Variants in MBNL1 observed in about 807,000 individuals in gnomAD.
MBNL1 encodes muscleblind like splicing regulator 1, also known as muscleblind-like protein 1.
Under a neutral mutation model 42.2 loss-of-function variants are expected in MBNL1, and 8 were observed. That is an observed-to-expected ratio of 0.19 (90% CI 0.11 to 0.34). The LOEUF (loss-of-function observed/expected upper bound fraction) is 0.34, where lower values mean the gene tolerates loss of function less well. Ranked by LOEUF, MBNL1 falls within the 10% of genes least tolerant of loss-of-function variation. The pLI is 1.00. For synonymous variants in MBNL1, 169 were observed against 173.9 expected (o/e 0.97, Z 0.22); for missense variants, 309 against 495.3 (o/e 0.62, Z 3.57).
intron 3 of MBNL1, among the ~76,000 whole-genome samples, chr3:152,427,909 ACTCC>A (rs2098955912): frequency 6.6e-6 from 1 of 151,472 alleles, no homozygotes; most frequent in African/African-American, 2.4e-5. Flanking sequence ...TGTTACATAT[ACTCC>A]CTCTATTTTT....
intron 2 of MBNL1, among the ~76,000 whole-genome samples, chr3:152,329,579 G>A (rs2082708144): frequency 2.0e-5 from 3 of 150,998 alleles, no homozygotes; most frequent in South Asian, 2.1e-4. Context: ...AGCTTGGGAA[G>A]TCAAGGATGC....
chr3:152,275,055 A>G (rs2044144004), intron 1 of MBNL1, among the ~76,000 whole-genome samples: 1 of 152,230 alleles, frequency 6.6e-6, no homozygotes. Flanking sequence ...CCAATAATTT[A>G]TCAGCATTTG....
At chr3:152,273,656 A>G (rs147355543) in intron 1 of MBNL1, among the ~76,000 whole-genome samples, 180 of 152,324 alleles carry the variant, frequency 1.2e-3, no homozygotes, top group Non-Finnish European at 1.9e-3. Context: ...TCAAAACGAA[A>G]TGTAGCCATA....
At chr3:152,336,246 C>T (rs1381090659) in intron 2 of MBNL1, among the ~76,000 whole-genome samples, 1 of 151,960 alleles carries the variant, frequency 6.6e-6, no homozygotes, top group Admixed American at 6.6e-5. Flanking sequence ...ACTTCTCTTC[C>T]ACTTTTTTGG....
chr3:152,368,687 C>G (rs2096534193), intron 2 of MBNL1, among the ~76,000 whole-genome samples: 2 of 152,128 alleles, frequency 1.3e-5, no homozygotes, highest in Admixed American at 1.3e-4. Flanking sequence ...TCTCTTATTT[C>G]CTTGAGCAGT....
At chr3:152,248,589 C>T (rs2033720728) in intron 2 of MBNL1, among the ~76,000 whole-genome samples, 1 of 151,242 alleles carries the variant, frequency 6.6e-6, no homozygotes, top group Non-Finnish European at 1.5e-5. Flanking sequence ...TAGAGATAAT[C>T]TCTTATTTTT....
rs188908845 is a variant in MBNL1, at chr3:152,327,433, C to T, written c.174+27066C>T. The stretch of plus-strand genomic sequence containing the variant: ...CATGATCTTGGCTCACTGCAACCGC[C>T]GCCTCCTAGGTTTAAGTGATTCTCC... On this transcript the variant is annotated intron_variant, in intron 2 of 9. Transcript: ENST00000324210. Among the ~76,000 whole-genome samples, 109 of 152,094 alleles carry T rather than the reference C, an allele frequency of 7.2e-4. 4 individuals are homozygous for T. In the East Asian group the frequency reaches 0.015, roughly 21 times the overall value.
chr3:152,308,011 T>C (rs982703398), intron 2 of MBNL1, among the ~76,000 whole-genome samples: 1 of 152,162 alleles, frequency 6.6e-6, no homozygotes, highest in Non-Finnish European at 1.5e-5. Context: ...TCATCTTAGA[T>C]AACTAGTCAC....
chr3:152,381,930 G>A (rs1409097882), intron 2 of MBNL1, among the ~76,000 whole-genome samples: 1 of 151,972 alleles, frequency 6.6e-6, no homozygotes, highest in East Asian at 1.9e-4. Flanking sequence ...CTGTTCTTTT[G>A]ACATATTAAC....
chr3:152,455,606 C>T, intron 7 of MBNL1, 29 bp downstream of exon 7: 1 of 1,608,124 alleles, frequency 6.2e-7, no homozygotes, highest in South Asian at 1.1e-5. Flanking sequence ...TCTTGATTAT[C>T]TTAAACCTAT....
chr3:152,384,296 C>A (rs1173085906), intron 2 of MBNL1, among the ~76,000 whole-genome samples: 4 of 152,032 alleles, frequency 2.6e-5, no homozygotes, highest in African/African-American at 9.7e-5. Context: ...TCCATGTTAT[C>A]AGGGCATTAA....
At chr3:152,244,169 T>G (rs2032339339) in intron 1 of MBNL1, 1 of 152,168 alleles carries the variant, frequency 6.6e-6, no homozygotes, top group South Asian at 2.1e-4. Context: ...TGCATATACT[T>G]TAATTATATA....
chr3:152,403,923 G>T (rs1485357516), intron 2 of MBNL1, among the ~76,000 whole-genome samples: 2 of 152,154 alleles, frequency 1.3e-5, no homozygotes, highest in African/African-American at 4.8e-5. Context: ...TGGGGACAGA[G>T]CCAGTGTCAT....
intron 2 of MBNL1, chr3:152,301,996 C>T (rs1388500643): frequency 6.6e-6 from 1 of 152,174 alleles, no homozygotes; most frequent in Admixed American, 6.5e-5. Flanking sequence ...ACACAGAAGA[C>T]CTGCTTCTAC....
At chr3:152,357,268 C>G (rs1007091280) in intron 2 of MBNL1, among the ~76,000 whole-genome samples, 5 of 152,112 alleles carry the variant, frequency 3.3e-5, no homozygotes, top group African/African-American at 1.2e-4. Context: ...TTCAGAAGCC[C>G]ACAGTTATAG....
At chr3:152,247,890 A>T (rs1043274075) in intron 2 of MBNL1, among the ~76,000 whole-genome samples, 1 of 152,010 alleles carries the variant, frequency 6.6e-6, no homozygotes, top group Non-Finnish European at 1.5e-5. Context: ...CAACCTTGGA[A>T]AGCAGATGAA....
At chr3:152,368,146 C>T (rs1249102409) in intron 2 of MBNL1, among the ~76,000 whole-genome samples, 1 of 151,928 alleles carries the variant, frequency 6.6e-6, no homozygotes, top group Non-Finnish European at 1.5e-5. Context: ...GGTTTTAGGT[C>T]TTATGTTTAA....
chr3:152,409,939 G>A (rs879393750), intron 2 of MBNL1, among the ~76,000 whole-genome samples: 7 of 152,020 alleles, frequency 4.6e-5, no homozygotes, highest in East Asian at 1.9e-4. Context: ...ACTTCTAATC[G>A]TTTTGTTTTC....
rs909626106 is a variant in MBNL1 at position 152,465,234 on chromosome 3, C to A, written c.*2868C>A. ...AAGAGAGAAAGAACTATACTAAGAA[C>A]ATATATTATTCAGATCAGTTTCTGC... On this transcript the variant is annotated 3_prime_UTR_variant, in exon 10 of 10. Coordinates refer to ENST00000324210, the MANE Select transcript of MBNL1 (RefSeq NM_021038.5). 1.3e-5 allele frequency: 2 copies of A among 152,170 alleles called. No individual in the cohort carries two copies. The highest frequency in any genetic ancestry group is 2.9e-5 in the Non-Finnish European group (2 of 68,020). The allele number at this position is 152,170 out of a possible 1,614,324, so 9.4% of individuals were successfully genotyped here. A position where few individuals can be genotyped will look rare whatever the true frequency, so the allele number is the denominator to read the frequency against.
Sources: allele counts gnomAD v4.1 joint callset (sites outside exome capture counted in the v4.1 genomes callset), GRCh38; gene constraint gnomAD v4.1.1; transcripts MANE v1.5; gene names NCBI Gene and HGNC (gene_info 2026-07-23, HGNC 2026-07-21).